The following RPH3A variants were observed in gnomAD, a reference collection of about 807,000 sequenced individuals.
RPH3A encodes the protein rabphilin-3A.
In RPH3A, 48 loss-of-function variants were observed where a neutral mutation model predicts 102.2. The ratio of observed to expected loss-of-function variants is 0.47; its 90% CI spans 0.37 to 0.60. The LOEUF is 0.60. RPH3A is among the 20% of genes least tolerant of loss of function. The pLI, the probability that RPH3A is intolerant of heterozygous loss-of-function variation, is 0.00. For missense variants in RPH3A, 781 were observed against 910.1 expected (o/e 0.86, Z 1.83); for synonymous variants, 310 against 324.3 (o/e 0.96, Z 0.47).
intron 1 of RPH3A, among the ~76,000 whole-genome samples, chr12:112,606,557 T>A (rs1381689723): frequency 3.3e-5 from 5 of 152,014 alleles, no homozygotes; most frequent in Non-Finnish European, 7.4e-5. Context: ...ATTTTTGGAT[T>A]TTTAGTGGAG....
chr12:112,877,419 TACACAC>T (rs3038114), intron 13 of RPH3A, among the ~76,000 whole-genome samples: 3,021 of 141,594 alleles, frequency 0.021, 51 homozygotes, highest in African/African-American at 0.026. Flanking sequence ...CACACACGTA[TACACAC>T]ACACACACAC....
chr12:112,691,013 C>G (rs1287554275), intron 1 of RPH3A, among the ~76,000 whole-genome samples: 1 of 151,920 alleles, frequency 6.6e-6, no homozygotes, highest in East Asian at 1.9e-4. Flanking sequence ...CGCCCCCGCA[C>G]TGAAATATCA....
intron 11 of RPH3A, 102 bp downstream of exon 11, chr12:112,875,272 G>A: frequency 1.1e-6 from 1 of 883,416 alleles, no homozygotes; most frequent in Non-Finnish European, 1.7e-6. Flanking sequence ...TTTCTGCAAA[G>A]CTGCAGCCAC....
intron 1 of RPH3A, among the ~76,000 whole-genome samples, chr12:112,695,655 C>T (rs1364556225): frequency 6.6e-6 from 1 of 152,202 alleles, no homozygotes; most frequent in Non-Finnish European, 1.5e-5. Context: ...GGGGTATCCC[C>T]ATTATATGGA....
At chr12:112,602,736 G>A in intron 1 of RPH3A, among the ~76,000 whole-genome samples, 1 of 152,048 alleles carries the variant, frequency 6.6e-6, no homozygotes, top group Non-Finnish European at 1.5e-5. Flanking sequence ...GCTGCAGTGA[G>A]TTGTGATCAC....
At chr12:112,675,746 T>C (rs2040169835) in intron 1 of RPH3A, among the ~76,000 whole-genome samples, 1 of 152,214 alleles carries the variant, frequency 6.6e-6, no homozygotes, top group East Asian at 1.9e-4. Flanking sequence ...TGTTGCTGTC[T>C]GTGCAAAATT....
intron 1 of RPH3A, among the ~76,000 whole-genome samples, chr12:112,646,563 A>T (rs550075253): frequency 8.5e-5 from 13 of 152,294 alleles, no homozygotes; most frequent in African/African-American, 2.9e-4. Context: ...GCCACCTCTC[A>T]TGGCCAGTAC....
intron 1 of RPH3A, among the ~76,000 whole-genome samples, chr12:112,730,436 C>T (rs2040624551): frequency 6.6e-6 from 1 of 152,224 alleles, no homozygotes; most frequent in Non-Finnish European, 1.5e-5. Context: ...TCAGTGTCTG[C>T]ATTTGAACCA....
At chr12:112,677,598 C>T (rs143758008) in intron 1 of RPH3A, among the ~76,000 whole-genome samples, 2 of 151,456 alleles carry the variant, frequency 1.3e-5, no homozygotes, top group African/African-American at 2.4e-5. Context: ...CCCCACCCTG[C>T]GAGCCTGTAA....
intron 3 of RPH3A, among the ~76,000 whole-genome samples, chr12:112,834,720 A>G (rs904854427): frequency 6.6e-6 from 1 of 152,078 alleles, no homozygotes; most frequent in African/African-American, 2.4e-5. Context: ...CTAATATAAA[A>G]TTTTTTCATT....
chr12:112,602,598 T>C (rs369493828), intron 1 of RPH3A, among the ~76,000 whole-genome samples: 3 of 152,108 alleles, frequency 2.0e-5, no homozygotes, highest in African/African-American at 7.2e-5. Context: ...AATCCAAACA[T>C]ATTTATAAAT....
intron 1 of RPH3A, among the ~76,000 whole-genome samples, chr12:112,674,185 G>A (rs1486279823): frequency 6.6e-6 from 1 of 152,194 alleles, no homozygotes; most frequent in African/African-American, 2.4e-5. Context: ...AGCCTCCTGA[G>A]TAGCTGGGAT....
intron 1 of RPH3A, among the ~76,000 whole-genome samples, chr12:112,670,478 TA>T (rs1235347112): frequency 6.6e-6 from 1 of 152,184 alleles, no homozygotes; most frequent in Non-Finnish European, 1.5e-5. Flanking sequence ...AATAAGAGGG[TA>T]TATATATTAG....
chr12:112,879,211 G>T lies in RPH3A; in HGVS notation c.1251+13G>T. The T allele has an allele frequency of 6.2e-7, 1 of 1,610,648 alleles. No homozygotes were observed. The highest frequency in any genetic ancestry group is 8.5e-7 in the Non-Finnish European group (1 of 1,177,390). ...CATTAAGGCCAAGGTGGGTGATGGGGACCATGCAGGGAACCTCTCAGGATG... is the reference window on the plus strand; with the variant it reads ...CATTAAGGCCAAGGTGGGTGATGGGTACCATGCAGGGAACCTCTCAGGATG... On this transcript the variant is annotated intron_variant, in intron 14 of 21. Transcript: ENST00000389385.
chr12:112,586,993 G>A (rs1320511371), intron 1 of RPH3A, among the ~76,000 whole-genome samples: 2 of 152,300 alleles, frequency 1.3e-5, no homozygotes, highest in Middle Eastern at 3.4e-3. Flanking sequence ...TCTTGGATTA[G>A]GAATTTACAT....
chr12:112,710,889 C>T (rs1047611552), intron 1 of RPH3A, among the ~76,000 whole-genome samples: 1 of 152,066 alleles, frequency 6.6e-6, no homozygotes, highest in Non-Finnish European at 1.5e-5. Context: ...TCTTATGTAA[C>T]ACAGCACCTA....
At chr12:112,704,120 ACT>A (rs1431931936) in intron 1 of RPH3A, among the ~76,000 whole-genome samples, 1 of 144,192 alleles carries the variant, frequency 6.9e-6, no homozygotes, top group African/African-American at 2.6e-5. Context: ...ACCGAGTTTC[ACT>A]CTGTTGCCCA....
At chr12:112,785,007 G>T (rs760492412) in intron 1 of RPH3A, among the ~76,000 whole-genome samples, 6 of 152,146 alleles carry the variant, frequency 3.9e-5, no homozygotes, top group Non-Finnish European at 8.8e-5. Context: ...TGGATCACCT[G>T]AGGTCGGGAG....
chr12:112,663,059 G>GGTGTGTGTGTGTGTGTGTGTGTGTGTGT (rs60392620), intron 1 of RPH3A, among the ~76,000 whole-genome samples: 3 of 141,136 alleles, frequency 2.1e-5, no homozygotes, highest in Admixed American at 7.1e-5. Context: ...CTAAGTGATT[G>GGTGTGTGTGTGTGTGTGTGTGTGTGTGT]GTGTGTGTGT....
Sources: gnomAD v4.1 joint callset for allele counts (sites outside exome capture counted in the v4.1 genomes callset) on GRCh38, gnomAD v4.1.1 for gene constraint, MANE v1.5 for transcripts, NCBI Gene and HGNC (gene_info 2026-07-23, HGNC 2026-07-21) for gene names.